KRT7: variants seen among roughly 807,000 people sequenced by gnomAD.
KRT7 encodes the protein keratin, type II cytoskeletal 7.
A neutral mutation model predicts 42.8 loss-of-function variants in KRT7; 50 were observed. That is an observed-to-expected ratio of 1.17 (90% CI 0.93 to 1.48). The LOEUF is 1.48. KRT7 is among the 40% of genes most tolerant of loss of function. The pLI is 0.00. For synonymous variants in KRT7, 268 were observed against 266.3 expected, an observed-to-expected ratio of 1.01 and a Z score of -0.06; for missense variants, 588 against 637.6, an observed-to-expected ratio of 0.92 and a Z score of 0.84.
In KRT7 at chr12:52,233,721, C is replaced by T. The variant is rs191793317; in HGVS notation, c.324+101C>T. 3.0e-4 allele frequency: 349 copies of T among 1,151,600 alleles called. 1 individual carries two copies. In the African/African-American group the frequency reaches 4.8e-3, roughly 16 times the overall value. The allele number at this position is 1,151,600 out of a possible 1,614,324, so 71.3% of individuals were successfully genotyped here. ...CGCGCGGGCCAGGCGCTGGGGAGCA[C>T]TGCCGCCCTTCTGTCTTTCCGCCAG... On this transcript the variant is annotated intron_variant, in intron 1 of 8. Coordinates refer to ENST00000331817, the MANE Select transcript of KRT7 (RefSeq NM_005556.4).
At chr12:52,252,306 A>G (rs751413142), downstream of KRT7, 52 of 1,613,826 alleles carry the variant, frequency 3.2e-5, no homozygotes, top group African/African-American at 5.3e-5. Context: ...TGGCGATCTC[A>G]AAGTCCAGGC....
chr12:52,245,640 C>T lies in KRT7; in HGVS notation c.1205+8C>T. 6.2e-7 allele frequency: 1 copy of T among 1,613,178 alleles called. No individual in the cohort carries two copies. Among genetic ancestry groups the T allele is most frequent in the East Asian group, 2.2e-5 (1 of 44,876 alleles). On this transcript the variant is annotated splice_region_variant and intron_variant, in intron 7 of 8. Coordinates refer to ENST00000331817, the MANE Select transcript of KRT7 (RefSeq NM_005556.4). ...GGAGGGCGAGGAGAGCCGGTGAGGA[C>T]AAGGAACCTGGAAAGGGGATGCTTC...
intron 6 of KRT7, 30 bp downstream of exon 6, chr12:52,243,167 T>C (rs757015148): frequency 1.3e-6 from 2 of 1,596,630 alleles, no homozygotes; most frequent in South Asian, 1.1e-5. Flanking sequence ...CTTCCCCTGC[T>C]ACTTGGGGCA....
Position 52,248,885 on chromosome 12 carries a change from C to A in KRT7, c.*125C>A. ...TGGAAAGTGATGTCAGAATAGCTTC[C>A]AATAAAGCAGCCTCATTCTGAGGCC... On this transcript the variant is annotated 3_prime_UTR_variant, in exon 9 of 9. Coordinates refer to ENST00000331817, the MANE Select transcript of KRT7 (RefSeq NM_005556.4). The A allele has an allele frequency of 1.0e-6, 1 of 954,120 alleles. No individual in the cohort carries two copies. Among genetic ancestry groups the A allele is most frequent in the Non-Finnish European group, 1.4e-6 (1 of 693,356 alleles). The allele number at this position is 954,120 out of a possible 1,614,324, so 59.1% of individuals were successfully genotyped here.
chr12:52,237,453 G>C (rs551497452), intron 2 of KRT7, 56 bp from the exon 3 acceptor site: 54 of 1,298,752 alleles, frequency 4.2e-5, no homozygotes, highest in Admixed American at 3.2e-4. Context: ...ATGGCGGAGG[G>C]GGGACGGGAG....
At chr12:52,250,200 G>A (rs1360726230), downstream of KRT7, among the ~76,000 whole-genome samples, 1 of 152,198 alleles carries the variant, frequency 6.6e-6, no homozygotes, top group African/African-American at 2.4e-5. Flanking sequence ...CCAGGCCTCC[G>A]GACCGGGGTC....
At chr12:52,252,355 G>A (rs146544749), downstream of KRT7, 28,439 of 1,614,054 alleles carry the variant, frequency 0.018, 328 homozygotes, top group Non-Finnish European at 0.021. Flanking sequence ...TCCCTGATCA[G>A]GCAGGCCATG....
At chr12:52,244,092 G>C (rs879315890) in intron 6 of KRT7, among the ~76,000 whole-genome samples, 33 of 152,342 alleles carry the variant, frequency 2.2e-4, no homozygotes, top group Non-Finnish European at 4.6e-4. Context: ...TGGAGAGAGG[G>C]GGAGGGCACA....
At chr12:52,245,259 A>G in intron 6 of KRT7, 153 bp from the exon 7 acceptor site, 1 of 709,792 alleles carries the variant, frequency 1.4e-6, no homozygotes, top group Non-Finnish European at 2.4e-6. Flanking sequence ...ATCCAAACCT[A>G]TGTGTTTAAC....
chr12:52,248,750 CCCGCGACTGAG>C lies in KRT7; in HGVS notation c.1405_*5del, dbSNP rs1592398363. The C allele has an allele frequency of 1.9e-6, 3 of 1,569,320 alleles. No homozygotes were observed. The highest frequency in any genetic ancestry group is 2.3e-5 in the East Asian group (1 of 43,454). On this transcript the variant is annotated stop_lost and 3_prime_UTR_variant, in exon 9 of 9. Coordinates refer to ENST00000331817, the MANE Select transcript of KRT7 (RefSeq NM_005556.4). ...ACCGCATCCGCCAGTCGCAGGAGTGCCCGCGACTGAGCCGCCTCCCACCACTCCACTCCTCC... is the reference window on the plus strand; with the variant it reads ...ACCGCATCCGCCAGTCGCAGGAGTGCCCGCCTCCCACCACTCCACTCCTCC...
intron 5 of KRT7, 107 bp downstream of exon 5, chr12:52,241,743 G>A: frequency 1.0e-6 from 1 of 986,634 alleles, no homozygotes; most frequent in Non-Finnish European, 1.5e-6. Flanking sequence ...CCACTGTTCT[G>A]GCAGGCACCA....
intron 2 of KRT7, 27 bp from the exon 3 acceptor site, chr12:52,237,482 T>G (rs1942026525): frequency 6.4e-7 from 1 of 1,573,576 alleles, no homozygotes; most frequent in Non-Finnish European, 8.7e-7. Context: ...CAAAGCTGCA[T>G]CAACACCAGG....
At chr12:52,247,830 C>T (rs1006508489) in intron 7 of KRT7, 8 of 328,750 alleles carry the variant, frequency 2.4e-5, no homozygotes, top group Non-Finnish European at 4.5e-5. Context: ...ACACATACAG[C>T]TACCATTCAC....
chr12:52,254,459 C>T, downstream of KRT7: 2 of 497,938 alleles, frequency 4.0e-6, no homozygotes, highest in East Asian at 5.1e-5. Flanking sequence ...TCAGGCTGAG[C>T]AGCTTCCCTG....
At chr12:52,245,939 G>A (rs1425440741) in intron 7 of KRT7, 5 of 356,184 alleles carry the variant, frequency 1.4e-5, no homozygotes, top group Non-Finnish European at 2.5e-5. Flanking sequence ...GGTCAGAGAC[G>A]ATTGATTCCT....
downstream of KRT7, chr12:52,249,446 G>A (rs1942230333): frequency 6.6e-6 from 1 of 152,566 alleles, no homozygotes; most frequent in Non-Finnish European, 1.5e-5. Context: ...TTGTGGGGGG[G>A]AGGTGTGTGT....
At chr12:52,252,614 T>C (rs1373552090), downstream of KRT7, 16 of 1,122,768 alleles carry the variant, frequency 1.4e-5, no homozygotes, top group Admixed American at 1.5e-4. Flanking sequence ...TGCAAATTAG[T>C]GCTCCCAGGC....
At chr12:52,237,340 G>A (rs1016165260) in intron 2 of KRT7, among the ~76,000 whole-genome samples, 169 bp from the exon 3 acceptor site, 6 of 152,244 alleles carry the variant, frequency 3.9e-5, no homozygotes, top group African/African-American at 1.2e-4. Context: ...AGGAATGGCC[G>A]CGTGGAAGTC....
rs538472287 is a variant in KRT7 at position 52,235,222 on chromosome 12, C to T, written c.392C>T (p.Ser131Leu). The T allele has an allele frequency of 6.6e-5, 106 of 1,614,156 alleles. 1 individual carries two copies. The highest frequency in any genetic ancestry group is 3.0e-4 in the Admixed American group (18 of 60,034). Residue 131 changes from serine to leucine, a missense_variant, in exon 2 of 9, where the codon TCG becomes TTG. Coordinates refer to ENST00000331817, the MANE Select transcript of KRT7 (RefSeq NM_005556.4). ...TKWTLLQEQK[S>L]AKSSRLPDIF... ...TGGACGCTGCTGCAGGAGCAGAAGT[C>T]GGCCAAGAGCAGCCGCCTCCCAGAC...
Sources: gnomAD v4.1 joint callset for allele counts (sites outside exome capture counted in the v4.1 genomes callset) on GRCh38, gnomAD v4.1.1 for gene constraint, MANE v1.5 for transcripts, NCBI Gene and HGNC (gene_info 2026-07-23, HGNC 2026-07-21) for gene names.